The following ABLIM3 variants were observed in gnomAD, a reference collection of about 807,000 sequenced individuals.
The protein encoded by ABLIM3 is actin-binding LIM protein 3.
In ABLIM3, 61 loss-of-function variants were observed where a neutral mutation model predicts 109.5. That is an observed-to-expected ratio of 0.56 (90% CI 0.45 to 0.69). The LOEUF (loss-of-function observed/expected upper bound fraction) is 0.69. Ranked by LOEUF, ABLIM3 falls within the 30% of genes least tolerant of loss-of-function variation. The pLI is 0.00. For synonymous variants in ABLIM3, 300 were observed against 324.8 expected (o/e 0.92, Z 0.82); for missense variants, 796 against 889.5 (o/e 0.89, Z 1.34).
intron 21 of ABLIM3, 144 bp downstream of exon 21, chr5:149,251,563 C>T (rs1753933103): frequency 1.1e-6 from 1 of 915,844 alleles, no homozygotes; most frequent in Admixed American, 2.1e-5. Context: ...TACTCTCTTT[C>T]ACTTCCCACC....
chr5:149,152,585 A>G (rs1435326024), intron 2 of ABLIM3, among the ~76,000 whole-genome samples: 2 of 152,112 alleles, frequency 1.3e-5, no homozygotes, highest in Non-Finnish European at 2.9e-5. Flanking sequence ...CAGAGAACCT[A>G]GTAAAAGAGA....
intron 2 of ABLIM3, among the ~76,000 whole-genome samples, chr5:149,171,755 C>A (rs984515919): frequency 6.6e-6 from 1 of 152,338 alleles, no homozygotes; most frequent in Non-Finnish European, 1.5e-5. Flanking sequence ...TTAGTGACCA[C>A]TGACAGACAT....
At chr5:149,232,059 A>C (rs1316051491) in intron 9 of ABLIM3, among the ~76,000 whole-genome samples, 1 of 152,238 alleles carries the variant, frequency 6.6e-6, no homozygotes, top group Non-Finnish European at 1.5e-5. Context: ...TAATCCCAAC[A>C]CTTTGGGAGG....
At chr5:149,251,315 G>A (rs773809372) in intron 20 of ABLIM3, 44 bp from the exon 21 acceptor site, 1 of 1,612,246 alleles carries the variant, frequency 6.2e-7, no homozygotes, top group Non-Finnish European at 8.5e-7. Flanking sequence ...GGGAGGCAGA[G>A]GTGAGCTTAT....
chr5:149,239,788 G>A lies in ABLIM3; in HGVS notation c.1104G>A (p.Gln368=). ...TCTACGAGAACCTGGACCTCCGGCA[G>A]AGACGGGCCTCCAGCCCGGGGTACA... ...QDIYENLDLR[Q]RRASSPGYID... is the part of the protein sequence containing the mutation. The change falls in exon 13 of 24, where the codon CAG becomes CAA. Residue 368 remains glutamine (Q), a synonymous_variant. Coordinates refer to ENST00000309868, the MANE Select transcript of ABLIM3 (RefSeq NM_014945.5). 4.4e-6 allele frequency: 7 copies of A among 1,607,936 alleles called. No homozygotes were observed. The highest frequency in any genetic ancestry group is 5.9e-6 in the Non-Finnish European group (7 of 1,177,188).
At chr5:149,243,363 AG>A (rs1488207226) in intron 15 of ABLIM3, 1 of 152,232 alleles carries the variant, frequency 6.6e-6, no homozygotes, top group East Asian at 1.9e-4. Flanking sequence ...CCTCGATTGA[AG>A]GAGCACATCC....
chr5:149,163,776 A>G (rs1180522025), intron 2 of ABLIM3, among the ~76,000 whole-genome samples: 1 of 152,156 alleles, frequency 6.6e-6, no homozygotes, highest in African/African-American at 2.4e-5. Flanking sequence ...AGAGACAGGG[A>G]CAGGAGGACC....
Position 149,258,949 on chromosome 5 carries a change from C to T in ABLIM3, c.*545C>T, listed in dbSNP as rs1412568891. The T allele has an allele frequency of 1.5e-5, 15 of 990,094 alleles. No individual in the cohort carries two copies. The highest frequency in any genetic ancestry group is 1.2e-6 in the Non-Finnish European group (1 of 833,072). The allele number at this position is 990,094 out of a possible 1,614,324, so 61.3% of individuals were successfully genotyped here. On this transcript the variant is annotated 3_prime_UTR_variant, in exon 24 of 24. Transcript: ENST00000309868. ...GCAATGCAGTTAAAAGGGTGAGCCTCAAATCTAGTCATTACACCAGTCAAC... is the reference window on the plus strand; with the variant it reads ...GCAATGCAGTTAAAAGGGTGAGCCTTAAATCTAGTCATTACACCAGTCAAC...
chr5:149,221,883 A>C (rs1866375), intron 8 of ABLIM3, among the ~76,000 whole-genome samples: 75,704 of 151,866 alleles, frequency 0.5, 19,522 homozygotes, highest in East Asian at 0.63. Flanking sequence ...CTCTTCTTCT[A>C]CCCTTCTGTC....
At chr5:149,239,913 G>C (rs776125030) in intron 13 of ABLIM3, 25 bp downstream of exon 13, 14 of 1,584,700 alleles carry the variant, frequency 8.8e-6, no homozygotes, top group Non-Finnish European at 1.2e-5. Context: ...GGACCTGAAG[G>C]GAGAGGAAGA....
chr5:149,194,787 G>T (rs1192025803), intron 3 of ABLIM3, among the ~76,000 whole-genome samples: 1 of 152,148 alleles, frequency 6.6e-6, no homozygotes, highest in Non-Finnish European at 1.5e-5. Flanking sequence ...TAAAGCAAGG[G>T]AATGATAAAC....
intron 7 of ABLIM3, among the ~76,000 whole-genome samples, chr5:149,213,507 C>T (rs562809378): frequency 6.6e-6 from 1 of 152,172 alleles, no homozygotes; most frequent in African/African-American, 2.4e-5. Flanking sequence ...CGTTTGTTGG[C>T]TTTGCAGAAC....
intron 2 of ABLIM3, among the ~76,000 whole-genome samples, chr5:149,155,418 G>A (rs1416755795): frequency 6.6e-6 from 1 of 152,192 alleles, no homozygotes; most frequent in Admixed American, 6.5e-5. Context: ...CCAGCATCTT[G>A]GAGGGGCAGA....
In ABLIM3 at chr5:149,168,409, G is replaced by T. The variant is rs114944752; in HGVS notation, c.14-15043G>T. 7.4e-3 allele frequency among the ~76,000 whole-genome samples: 1,134 copies of T among 152,256 alleles called. 15 individuals are homozygous for T. The highest frequency in any genetic ancestry group is 0.026 in the African/African-American group (1,091 of 41,542). On this transcript the variant is annotated intron_variant, in intron 2 of 23. Transcript: ENST00000309868. ...GCACAAGTGACACCATCACATGCTG[G>T]CTCTGAAATCTGAAGGGACAGGGCT...
intron 20 of ABLIM3, among the ~76,000 whole-genome samples, chr5:149,251,083 CAGGGCAAATCTCCT>C (rs1286973890): frequency 3.3e-5 from 5 of 152,148 alleles, no homozygotes; most frequent in Admixed American, 2.6e-4. Context: ...GCCAGGTTGT[CAGGGCAAATCTCCT>C]AGAAAAAGGG....
intron 9 of ABLIM3, among the ~76,000 whole-genome samples, chr5:149,231,004 G>A (rs1276163366): frequency 6.6e-6 from 1 of 152,232 alleles, no homozygotes; most frequent in Non-Finnish European, 1.5e-5. Context: ...CAGCCTCGCT[G>A]AGAAGCTCTC....
chr5:149,144,986 A>T (rs1246008373), intron 2 of ABLIM3, among the ~76,000 whole-genome samples: 4 of 152,166 alleles, frequency 2.6e-5, no homozygotes, highest in Non-Finnish European at 5.9e-5. Flanking sequence ...GTATTTTTTT[A>T]AATTTCAACT....
At chr5:149,204,502 A>G (rs1466210532) in intron 5 of ABLIM3, among the ~76,000 whole-genome samples, 1 of 152,222 alleles carries the variant, frequency 6.6e-6, no homozygotes, top group Non-Finnish European at 1.5e-5. Flanking sequence ...GAAAAGCCAC[A>G]TGGAGAAGAT....
chr5:149,166,304 A>T (rs544626357), intron 2 of ABLIM3, among the ~76,000 whole-genome samples: 1 of 152,254 alleles, frequency 6.6e-6, no homozygotes, highest in African/African-American at 2.4e-5. Flanking sequence ...CTGACTTAAT[A>T]CAGTCATGCA....
Sources: gnomAD v4.1 joint callset for allele counts (sites outside exome capture counted in the v4.1 genomes callset) on GRCh38, gnomAD v4.1.1 for gene constraint, MANE v1.5 for transcripts, NCBI Gene and HGNC (gene_info 2026-07-23, HGNC 2026-07-21) for gene names.